The following RGL1 variants were observed in gnomAD, a reference collection of about 807,000 sequenced individuals.
RGL1 encodes the protein ral guanine nucleotide dissociation stimulator-like 1.
RGL1 carries 24 observed loss-of-function variants against 95.2 expected under a neutral mutation model. The ratio of observed to expected loss-of-function variants is 0.25; its 90% CI spans 0.18 to 0.35. The LOEUF is 0.35. Ranked by LOEUF, RGL1 falls within the 10% of genes least tolerant of loss-of-function variation. RGL1 has a pLI of 1.00. For synonymous variants in RGL1, 329 were observed against 344.9 expected (o/e 0.95, Z 0.51); for missense variants, 715 against 936.3 (o/e 0.76, Z 3.08).
chr1:183,900,060 A>C, intron 10 of RGL1, 90 bp from the exon 11 acceptor site: 1 of 978,126 alleles, frequency 1.0e-6, no homozygotes, highest in Non-Finnish European at 1.6e-6. Flanking sequence ...TTAGGCCTTG[A>C]ATACATCCAT....
At chr1:183,879,921 C>T (rs974084452) in intron 4 of RGL1, among the ~76,000 whole-genome samples, 17 of 152,150 alleles carry the variant, frequency 1.1e-4, no homozygotes, top group African/African-American at 3.9e-4. Context: ...CCTTGTCTTC[C>T]CCTAGGTGGA....
At chr1:183,674,590 A>G (rs79543964) in intron 1 of RGL1, among the ~76,000 whole-genome samples, 1,978 of 152,306 alleles carry the variant, frequency 0.013, 53 homozygotes, top group African/African-American at 0.046. Flanking sequence ...TATCTCTTTT[A>G]GGAAGCTCTG....
chr1:183,860,670 CATT>C (rs1399804748), intron 3 of RGL1, among the ~76,000 whole-genome samples: 2 of 152,184 alleles, frequency 1.3e-5, no homozygotes, highest in Non-Finnish European at 2.9e-5. Context: ...TCTGGCCCTC[CATT>C]ATACCAGGTC....
chr1:183,825,084 C>G (rs763215217), intron 2 of RGL1, among the ~76,000 whole-genome samples: 2 of 152,040 alleles, frequency 1.3e-5, no homozygotes, highest in African/African-American at 2.4e-5. Context: ...AAGATAATTC[C>G]AAGACTTTTG....
chr1:183,893,812 A>C (rs964761013), intron 9 of RGL1, among the ~76,000 whole-genome samples: 2 of 152,180 alleles, frequency 1.3e-5, no homozygotes, highest in African/African-American at 2.4e-5. Flanking sequence ...GGCCTCTTGC[A>C]GGCAGGGGCT....
At chr1:183,910,286 TG>T (rs1312263531) in intron 14 of RGL1, among the ~76,000 whole-genome samples, 1 of 152,180 alleles carries the variant, frequency 6.6e-6, no homozygotes, top group Non-Finnish European at 1.5e-5. Flanking sequence ...TTGGTAGAGA[TG>T]GGGCTTCACC....
chr1:183,808,854 C>G (rs1168071088), intron 2 of RGL1, among the ~76,000 whole-genome samples: 1 of 151,774 alleles, frequency 6.6e-6, no homozygotes, highest in East Asian at 1.9e-4. Context: ...ACACCAGATT[C>G]AAATCCAGAT....
chr1:183,781,509 C>T (rs930322369), intron 2 of RGL1, among the ~76,000 whole-genome samples: 2 of 152,050 alleles, frequency 1.3e-5, no homozygotes, highest in Non-Finnish European at 2.9e-5. Context: ...TCCCAAATGC[C>T]ACTCCACTCT....
At chr1:183,779,005 C>T (rs1213939731) in intron 2 of RGL1, among the ~76,000 whole-genome samples, 1 of 152,124 alleles carries the variant, frequency 6.6e-6, no homozygotes, top group African/African-American at 2.4e-5. Context: ...TTCTCTCAGT[C>T]TTTCATGGAC....
chr1:183,730,961 T>G (rs1021919473), intron 1 of RGL1, among the ~76,000 whole-genome samples: 3 of 152,152 alleles, frequency 2.0e-5, no homozygotes, highest in Non-Finnish European at 4.4e-5. Flanking sequence ...CCGTCTGAAG[T>G]GGACAAATGG....
intron 2 of RGL1, among the ~76,000 whole-genome samples, chr1:183,810,880 C>CGCAG (rs1661664284): frequency 6.6e-6 from 1 of 152,174 alleles, no homozygotes; most frequent in Non-Finnish European, 1.5e-5. Context: ...CTGCGTCTCA[C>CGCAG]TGTTGTGCAT....
chr1:183,901,553 A>G (rs886846368), intron 11 of RGL1, among the ~76,000 whole-genome samples: 12 of 152,174 alleles, frequency 7.9e-5, no homozygotes, highest in Admixed American at 7.9e-4. Context: ...AATGTTGAGT[A>G]GGACTACTTG....
intron 1 of RGL1, among the ~76,000 whole-genome samples, chr1:183,690,894 G>A (rs1322973521): frequency 1.3e-5 from 2 of 152,128 alleles, no homozygotes; most frequent in Non-Finnish European, 2.9e-5. Flanking sequence ...TTAATGGAAA[G>A]CAAGTCATGT....
intron 1 of RGL1, among the ~76,000 whole-genome samples, chr1:183,674,807 T>C (rs976551127): frequency 7.2e-5 from 11 of 152,234 alleles, no homozygotes; most frequent in Non-Finnish European, 1.3e-4. Context: ...TCTTTAATCT[T>C]TCATCTATCA....
chr1:183,694,252 G>A (rs781238876), intron 1 of RGL1, among the ~76,000 whole-genome samples: 6 of 152,172 alleles, frequency 3.9e-5, no homozygotes, highest in African/African-American at 1.4e-4. Flanking sequence ...AGGAGAGTGC[G>A]GTGTGTTGAG....
At chr1:183,688,100 G>T (rs1407708011) in intron 1 of RGL1, among the ~76,000 whole-genome samples, 1 of 152,034 alleles carries the variant, frequency 6.6e-6, no homozygotes, top group African/African-American at 2.4e-5. Context: ...GATGAATCTT[G>T]GGAAATAATT....
intron 3 of RGL1, among the ~76,000 whole-genome samples, chr1:183,848,858 C>G (rs1664621835): frequency 6.6e-6 from 1 of 152,010 alleles, no homozygotes; most frequent in Admixed American, 6.6e-5. Context: ...ATTTTTTTCT[C>G]CAAGCTCCAA....
At position 183,866,225 on chromosome 1, in the gene RGL1, A is replaced by T. The variant is rs181741073; in HGVS notation, c.425+152A>T. On this transcript the variant is annotated intron_variant, in intron 4 of 17. Coordinates refer to ENST00000360851, the MANE Select transcript of RGL1 (RefSeq NM_001297671.3). The stretch of plus-strand genomic sequence containing the variant: ...ATTTTTTGATTACCTAACAATATTC[A>T]TTTATGTATCCAGTGAAAGTATCTT... The T allele has an allele frequency of 6.9e-5, 43 of 625,706 alleles. No homozygotes were observed. The East Asian group carries it at 1.1e-3, about 16-fold the overall frequency. 38.8% of individuals were successfully genotyped at this position (625,706 alleles called of 1,614,324 possible).
intron 2 of RGL1, among the ~76,000 whole-genome samples, chr1:183,776,228 A>C (rs1056127183): frequency 2.1e-5 from 3 of 146,092 alleles, no homozygotes; most frequent in African/African-American, 7.7e-5. Flanking sequence ...GGCTCACTGC[A>C]AGCTCCGCCT....
Sources: allele counts gnomAD v4.1 joint callset (sites outside exome capture counted in the v4.1 genomes callset), GRCh38; gene constraint gnomAD v4.1.1; transcripts MANE v1.5; gene names NCBI Gene and HGNC (gene_info 2026-07-23, HGNC 2026-07-21).